ZW10: variants seen among roughly 807,000 people sequenced by gnomAD.
The protein encoded by ZW10 is zw10 kinetochore protein.
Under a neutral mutation model 87.8 loss-of-function variants are expected in ZW10, and 53 were observed. The observed-to-expected ratio is 0.60, with a 90% CI of 0.48 to 0.76. The LOEUF is 0.76. Ranked by LOEUF, ZW10 falls within the 30% of genes least tolerant of loss-of-function variation. The pLI, the probability that ZW10 is intolerant of heterozygous loss-of-function variation, is 0.00. For missense variants in ZW10, 837 were observed against 923.0 expected (o/e 0.91, Z 1.21); for synonymous variants, 312 against 329.2 (o/e 0.95, Z 0.57).
chr11:113,741,748 T>C lies in ZW10; in HGVS notation c.1529A>G (p.Tyr510Cys). 6.2e-7 allele frequency: 1 copy of C among 1,608,344 alleles called. No homozygotes were observed. The highest frequency in any genetic ancestry group is 8.5e-7 in the Non-Finnish European group (1 of 1,177,554). The change falls in exon 11 of 16, where the codon TAC becomes TGC. Residue 510 changes from tyrosine to cysteine, a missense_variant. Tyr to Cys is a radical substitution (Grantham distance 194, BLOSUM62 -2). Coordinates refer to ENST00000200135, the MANE Select transcript of ZW10 (RefSeq NM_004724.4). ...CAAATGGAAGATATTCCTCACTGAG[T>C]AGAAAAGTTGAACAGCACTAAAAAG... ...SSDQCAVQLF[Y>C]SVRNIFHLFH...
At position 113,736,619 on chromosome 11, in the gene ZW10, C is replaced by A; in HGVS notation, c.2219+1G>T. ...TGCCTCTATAGAAGGGTTATACATA[C>A]CGATCCCCAATTTCTTGCAAGCTGG... On this transcript the variant is annotated splice_donor_variant, in intron 15 of 15. Coordinates refer to ENST00000200135, the MANE Select transcript of ZW10 (RefSeq NM_004724.4). LOFTEE classifies it high-confidence loss of function. 6.2e-7 allele frequency: 1 copy of A among 1,614,136 alleles called. No individual in the cohort carries two copies. The highest frequency in any genetic ancestry group is 8.5e-7 in the Non-Finnish European group (1 of 1,179,994).
At chr11:113,754,932 T>C (rs552138399) in intron 7 of ZW10, among the ~76,000 whole-genome samples, 52 of 152,266 alleles carry the variant, frequency 3.4e-4, no homozygotes, top group African/African-American at 1.2e-3. Context: ...TGAGCTACCA[T>C]GCCCAGCCAA....
chr11:113,736,059 G>C (rs1165068076), intron 15 of ZW10, among the ~76,000 whole-genome samples: 1 of 151,970 alleles, frequency 6.6e-6, no homozygotes, highest in Non-Finnish European at 1.5e-5. Flanking sequence ...GGACAACACA[G>C]AGAAACCTCG....
At chr11:113,773,030 T>TG (rs1023163744) in intron 1 of ZW10, among the ~76,000 whole-genome samples, 5 of 150,850 alleles carry the variant, frequency 3.3e-5, no homozygotes, top group Non-Finnish European at 4.4e-5. Flanking sequence ...TGGGTTTGTT[T>TG]TTTTTTTAAT....
At chr11:113,761,045 A>G in intron 2 of ZW10, 127 bp from the exon 3 acceptor site, 2 of 716,460 alleles carry the variant, frequency 2.8e-6, no homozygotes, top group Non-Finnish European at 4.5e-6. Flanking sequence ...GCTAGTTAAG[A>G]CTGGAATAAA....
In ZW10 at chr11:113,769,897, G is replaced by A. The variant is rs559348385; in HGVS notation, c.106-930C>T. ...TGATGTGCCCATCCACCTGAAATGA[G>A]GCTTCCCTGACCAAATGCTATACTG... is the stretch of plus-strand genomic sequence containing the variant. On this transcript the variant is annotated intron_variant, in intron 1 of 15. Coordinates refer to ENST00000200135, the MANE Select transcript of ZW10 (RefSeq NM_004724.4). The A allele has an allele frequency of 2.5e-5, 8 of 316,624 alleles. No individual in the cohort carries two copies. In the East Asian group the frequency reaches 7.6e-4, roughly 30 times the overall value. 19.6% of individuals were successfully genotyped at this position (316,624 alleles called of 1,614,324 possible).
At chr11:113,749,726 A>G (rs1953715962) in intron 7 of ZW10, among the ~76,000 whole-genome samples, 1 of 152,264 alleles carries the variant, frequency 6.6e-6, no homozygotes, top group Non-Finnish European at 1.5e-5. Flanking sequence ...TTAAAGCAGC[A>G]GTATAAAATA....
intron 7 of ZW10, among the ~76,000 whole-genome samples, chr11:113,755,898 A>AT (rs2134885130): frequency 6.6e-6 from 1 of 152,312 alleles, no homozygotes; most frequent in African/African-American, 2.4e-5. Flanking sequence ...ATAATAATAT[A>AT]TTTTTAAATT....
At chr11:113,740,343 T>TGGTA (rs1408520517) in intron 11 of ZW10, among the ~76,000 whole-genome samples, 5 of 152,144 alleles carry the variant, frequency 3.3e-5, no homozygotes, top group African/African-American at 1.2e-4. Context: ...AATACCATCA[T>TGGTA]TTTGAGAGAC....
At chr11:113,773,252 A>C (rs1937660416) in intron 1 of ZW10, among the ~76,000 whole-genome samples, 1 of 150,420 alleles carries the variant, frequency 6.6e-6, no homozygotes. Flanking sequence ...TTCCCGCGGC[A>C]CACCCCTCCC....
In ZW10 at chr11:113,739,397, G is replaced by C. The variant is rs1186339219; in HGVS notation, c.1584-15C>G. On this transcript the variant is annotated splice_polypyrimidine_tract_variant and intron_variant, in intron 11 of 15. Coordinates refer to ENST00000200135, the MANE Select transcript of ZW10 (RefSeq NM_004724.4). ...GAAGGTTCTCCCTAGGCCAGAAGGA[G>C]GGGTAGAAAAACAAAGCAACCACCT... 2 of 1,573,176 alleles carry C rather than the reference G, an allele frequency of 1.3e-6. No individual in the cohort carries two copies. Among genetic ancestry groups the C allele is most frequent in the East Asian group, 4.6e-5 (2 of 43,364 alleles).
intron 1 of ZW10, 123 bp from the exon 2 acceptor site, chr11:113,769,090 C>T: frequency 1.1e-6 from 1 of 913,650 alleles, no homozygotes; most frequent in Non-Finnish European, 1.6e-6. Flanking sequence ...TGCCTATACC[C>T]ATTCACTTTC....
chr11:113,767,102 A>G (rs914276947), intron 2 of ZW10, among the ~76,000 whole-genome samples: 2 of 151,968 alleles, frequency 1.3e-5, no homozygotes, highest in African/African-American at 4.8e-5. Context: ...ATCCCCTTCA[A>G]TTCTTGACAC....
chr11:113,772,739 G>A (rs1355640672), intron 1 of ZW10, among the ~76,000 whole-genome samples: 2 of 151,340 alleles, frequency 1.3e-5, no homozygotes, highest in South Asian at 2.1e-4. Flanking sequence ...TTGGGAGGCC[G>A]AGGCGGGTGG....
At chr11:113,746,007 T>C (rs113577886) in intron 9 of ZW10, among the ~76,000 whole-genome samples, 1,210 of 101,020 alleles carry the variant, frequency 0.012, 17 homozygotes, top group African/African-American at 0.037. Flanking sequence ...CATTTGGCAA[T>C]GTCTGGAGAT....
At chr11:113,736,849 A>G (rs766059036) in intron 14 of ZW10, 27 bp from the exon 15 acceptor site, 5 of 1,610,044 alleles carry the variant, frequency 3.1e-6, no homozygotes, top group Non-Finnish European at 4.3e-6. Flanking sequence ...GAAACACAAT[A>G]GAATAGAATT....
At chr11:113,741,332 A>AT (rs1953616167) in intron 11 of ZW10, among the ~76,000 whole-genome samples, 1 of 152,192 alleles carries the variant, frequency 6.6e-6, no homozygotes, top group African/African-American at 2.4e-5. Context: ...CTTTGTTGAC[A>AT]TGTTATCAAA....
intron 11 of ZW10, among the ~76,000 whole-genome samples, chr11:113,741,235 C>T (rs987251840): frequency 6.6e-6 from 1 of 152,164 alleles, no homozygotes; most frequent in Non-Finnish European, 1.5e-5. Flanking sequence ...CCACCTCTGC[C>T]TTCCAAGGTG....
intron 7 of ZW10, among the ~76,000 whole-genome samples, chr11:113,751,857 G>A (rs376296976): frequency 1.2e-4 from 18 of 150,858 alleles, no homozygotes; most frequent in Non-Finnish European, 2.5e-4. Context: ...GCGACAGAGC[G>A]AGACTCCATC....
Sources: allele counts gnomAD v4.1 joint callset (sites outside exome capture counted in the v4.1 genomes callset), GRCh38; gene constraint gnomAD v4.1.1; transcripts MANE v1.5; gene names NCBI Gene and HGNC (gene_info 2026-07-23, HGNC 2026-07-21).